TMEM245: variants seen among roughly 807,000 people sequenced by gnomAD.
TMEM245 encodes transmembrane protein 245, also known as protein CG-2.
TMEM245 carries 69 observed loss-of-function variants against 101.2 expected under a neutral mutation model. The observed-to-expected ratio is 0.68, with a 90% confidence interval of 0.56 to 0.83. TMEM245 has a LOEUF of 0.83. Ranked by LOEUF, TMEM245 falls within the 40% of genes least tolerant of loss-of-function variation. TMEM245 has a pLI of 0.00. For missense variants in TMEM245, 1,075 were observed against 1,092.8 expected (o/e 0.98, Z 0.23); for synonymous variants, 537 against 449.8 (o/e 1.19, Z -2.45).
chr9:109,028,307 G>A (rs7870724), intron 17 of TMEM245, among the ~76,000 whole-genome samples: 4,557 of 151,752 alleles, frequency 0.03, 88 homozygotes, highest in East Asian at 0.092. Context: ...AAAATTAGCC[G>A]GGCGTAGTGG....
chr9:109,054,432 TG>T (rs1319087783), intron 12 of TMEM245, among the ~76,000 whole-genome samples: 3 of 152,150 alleles, frequency 2.0e-5, no homozygotes, highest in Non-Finnish European at 4.4e-5. Flanking sequence ...TCCAGAAGAT[TG>T]GGTACAAACA....
In TMEM245 at chr9:109,106,501, T is replaced by C. The variant is rs1367984316; in HGVS notation, c.799+7A>G. ...GAGTAGTATTAATAGAATGCCCTAT[T>C]TCTTACCAGAAGACTCTTTTCCATT... On this transcript the variant is annotated splice_region_variant and intron_variant, in intron 3 of 17. Coordinates refer to ENST00000374586, the MANE Select transcript of TMEM245 (RefSeq NM_032012.4). 10 of 1,594,228 alleles carry C rather than the reference T, an allele frequency of 6.3e-6. No homozygotes were observed. The East Asian group carries it at 2.2e-4, about 36-fold the overall frequency.
chr9:109,073,242 G>C (rs1282618704), intron 9 of TMEM245, 114 bp downstream of exon 9: 2 of 788,302 alleles, frequency 2.5e-6, no homozygotes, highest in Non-Finnish European at 4.3e-6. Context: ...CAAAGCTCTG[G>C]CAAACCCTAT....
intron 9 of TMEM245, among the ~76,000 whole-genome samples, chr9:109,070,885 T>A (rs1829309797): frequency 6.6e-6 from 1 of 152,280 alleles, no homozygotes; most frequent in East Asian, 1.9e-4. Context: ...CTTACTTTTT[T>A]ATTGTTGTTT....
intron 10 of TMEM245, among the ~76,000 whole-genome samples, chr9:109,061,133 T>C (rs1003100661): frequency 5.3e-5 from 8 of 152,272 alleles, no homozygotes; most frequent in African/African-American, 1.9e-4. Context: ...CTGAGCAACA[T>C]GGCGAAACCC....
At chr9:109,021,322 C>T (rs901083049) in intron 17 of TMEM245, among the ~76,000 whole-genome samples, 7 of 152,148 alleles carry the variant, frequency 4.6e-5, no homozygotes, top group African/African-American at 1.7e-4. Context: ...TGCCTCACAC[C>T]AAGGCTGGCA....
chr9:109,076,322 C>A (rs549203180), intron 8 of TMEM245, among the ~76,000 whole-genome samples: 107 of 145,504 alleles, frequency 7.4e-4, no homozygotes, highest in African/African-American at 2.7e-3. Flanking sequence ...TAGATGGGAA[C>A]TGAACAATGA....
At chr9:109,112,344 C>T (rs1414305237) in intron 1 of TMEM245, among the ~76,000 whole-genome samples, 1 of 151,820 alleles carries the variant, frequency 6.6e-6, no homozygotes, top group Non-Finnish European at 1.5e-5. Flanking sequence ...AGTTCGAGAC[C>T]AGCCTGGCCA....
intron 12 of TMEM245, among the ~76,000 whole-genome samples, chr9:109,052,739 C>T (rs995595956): frequency 6.6e-6 from 1 of 152,054 alleles, no homozygotes; most frequent in East Asian, 1.9e-4. Flanking sequence ...AAGAAACAAG[C>T]CAACAATGCC....
chr9:109,034,172 A>T (rs1828050940), intron 16 of TMEM245, among the ~76,000 whole-genome samples: 1 of 152,248 alleles, frequency 6.6e-6, no homozygotes, highest in African/African-American at 2.4e-5. Context: ...GACCACTGAC[A>T]TCAGAAGGAC....
intron 8 of TMEM245, among the ~76,000 whole-genome samples, 183 bp from the exon 9 acceptor site, chr9:109,073,621 C>A (rs938340611): frequency 1.3e-5 from 2 of 152,042 alleles, no homozygotes; most frequent in Non-Finnish European, 2.9e-5. Flanking sequence ...ATACGCACTA[C>A]GGGAAATAAA....
chr9:109,026,496 CCA>C (rs1361853077), intron 17 of TMEM245, among the ~76,000 whole-genome samples: 1 of 151,216 alleles, frequency 6.6e-6, no homozygotes, highest in African/African-American at 2.4e-5. Context: ...GCACAAAGGC[CCA>C]GAGTTTCAAT....
Position 109,108,532 on chromosome 9 carries a change from T to G in TMEM245, c.618A>C (p.Ser206=), listed in dbSNP as rs200172301. 75 of 1,611,032 alleles carry G rather than the reference T, an allele frequency of 4.7e-5. No homozygotes were observed. In the Admixed American group the frequency reaches 8.4e-4, roughly 18 times the overall value. The stretch of plus-strand genomic sequence containing the variant: ...GTTCAGTGCTTGCATTCCACTTGAA[T>G]GAAACAGTCAACACATAGCCAACCA... ...TLVVGYVLTV[S]FKWNASTERY... is the part of the protein sequence containing the mutation. The change falls in exon 2 of 18, where the codon TCA becomes TCC. Residue 206 remains serine (S), a synonymous_variant. Transcript: ENST00000374586.
At chr9:109,101,915 C>T (rs751457265) in intron 3 of TMEM245, among the ~76,000 whole-genome samples, 5 of 152,146 alleles carry the variant, frequency 3.3e-5, no homozygotes, top group Non-Finnish European at 7.3e-5. Context: ...GAATTTACAC[C>T]GTAGAGAAAA....
At chr9:109,031,069 A>T (rs1008404758) in intron 17 of TMEM245, among the ~76,000 whole-genome samples, 1 of 152,222 alleles carries the variant, frequency 6.6e-6, no homozygotes, top group East Asian at 1.9e-4. Context: ...GTTTCCGGAA[A>T]GTTCAAAACA....
At chr9:109,117,180 G>A (rs1273940950) in intron 1 of TMEM245, among the ~76,000 whole-genome samples, 2 of 151,878 alleles carry the variant, frequency 1.3e-5, no homozygotes, top group South Asian at 2.1e-4. Context: ...TGCAATCTTG[G>A]CTCACTCCAA....
intron 2 of TMEM245, 36 bp downstream of exon 2, chr9:109,108,417 A>G (rs748579233): frequency 1.7e-6 from 2 of 1,150,106 alleles, no homozygotes; most frequent in Admixed American, 3.0e-5. Context: ...CTTAGGCTAG[A>G]CTTAAAAAAA....
intron 8 of TMEM245, among the ~76,000 whole-genome samples, 171 bp downstream of exon 8, chr9:109,080,668 A>G (rs1829641247): frequency 6.6e-6 from 1 of 152,116 alleles, no homozygotes; most frequent in Non-Finnish European, 1.5e-5. Context: ...AAAATATACT[A>G]GGCAAATTCA....
Position 109,018,317 on chromosome 9 carries a change from G to C in TMEM245, c.*2143C>G, listed in dbSNP as rs567710938. On this transcript the variant is annotated 3_prime_UTR_variant, in exon 18 of 18. Coordinates refer to ENST00000374586, the MANE Select transcript of TMEM245 (RefSeq NM_032012.4). ...TAAATTTAGTATTACATATGATCTG[G>C]CTAAGAGCAAGAGGCCTTCTTATGA... The C allele has an allele frequency of 6.6e-6, 1 of 152,166 alleles. No homozygotes were observed. The highest frequency in any genetic ancestry group is 1.5e-5 in the Non-Finnish European group (1 of 68,016). 9.4% of individuals were successfully genotyped at this position (152,166 alleles called of 1,614,324 possible). A position where few individuals can be genotyped will look rare whatever the true frequency, so the allele number is the denominator to read the frequency against.
Sources: allele counts gnomAD v4.1 joint callset (sites outside exome capture counted in the v4.1 genomes callset), GRCh38; gene constraint gnomAD v4.1.1; transcripts MANE v1.5; gene names NCBI Gene and HGNC (gene_info 2026-07-23, HGNC 2026-07-21).